ELF2: variants seen among roughly 807,000 people sequenced by gnomAD.
ELF2 encodes the protein E74 like ETS transcription factor 2, also known as ETS-related transcription factor Elf-2.
ELF2 carries 11 observed loss-of-function variants against 54.8 expected under a neutral mutation model. That is an observed-to-expected ratio of 0.20 (90% CI 0.13 to 0.33). The LOEUF (loss-of-function observed/expected upper bound fraction) is 0.33. Among genes scored for constraint, ELF2 ranks in the 10% least tolerant of loss-of-function variants. The pLI is 1.00. For missense variants in ELF2, 513 were observed against 703.0 expected (o/e 0.73, Z 3.06); for synonymous variants, 203 against 245.1 (o/e 0.83, Z 1.61).
chr4:139,125,368 T>C, intron 3 of ELF2, 39 bp from the exon 4 acceptor site: 1 of 1,592,530 alleles, frequency 6.3e-7, no homozygotes, highest in Non-Finnish European at 8.5e-7. Flanking sequence ...ACCTTTGTAT[T>C]TACAAATTCT....
intron 4 of ELF2, among the ~76,000 whole-genome samples, chr4:139,120,121 C>T (rs1458828668): frequency 6.6e-6 from 1 of 152,218 alleles, no homozygotes; most frequent in African/African-American, 2.4e-5. Context: ...TAAAGTTCTG[C>T]TTCAACTCAA....
intron 4 of ELF2, among the ~76,000 whole-genome samples, chr4:139,090,036 C>T (rs1732412159): frequency 6.6e-6 from 1 of 152,092 alleles, no homozygotes; most frequent in South Asian, 2.1e-4. Context: ...CTCAAGAGAC[C>T]CTCCACCTCA....
intron 4 of ELF2, among the ~76,000 whole-genome samples, chr4:139,112,935 T>A (rs1735118644): frequency 6.6e-6 from 1 of 152,044 alleles, no homozygotes; most frequent in East Asian, 1.9e-4. Context: ...TCTCTCTGAA[T>A]ACAAAGGAAT....
In ELF2 at chr4:139,073,538, G is replaced by C; in HGVS notation, c.268C>G (p.His90Asp). ...GCTTCAATTGTCTTATCTGTACAGT[G>C]TGCATTACTGCTGTGAACTGATGCT... ...VEASVHSSNA[H>D]CTDKTIEAAE... The change falls in exon 5 of 10, where the codon CAC (histidine) becomes GAC (aspartate). Residue 90 changes from histidine (H) to aspartate (D), a missense_variant. Physicochemically the swap from His to Asp is moderately conservative, Grantham distance 81. Around this residue, in one of 3 missense-constraint regions of ELF2, gnomAD observed 203 missense variants for 245.9 expected, o/e 0.83. Coordinates refer to ENST00000686138, the MANE Select transcript of ELF2 (RefSeq NM_001331036.3). The C allele has an allele frequency of 6.3e-7, 1 of 1,595,622 alleles. No homozygotes were observed. Among genetic ancestry groups the C allele is most frequent in the Non-Finnish European group, 8.6e-7 (1 of 1,168,322 alleles).
At chr4:139,176,434 G>A (rs1477167097) in intron 1 of ELF2, among the ~76,000 whole-genome samples, 1 of 151,430 alleles carries the variant, frequency 6.6e-6, no homozygotes, top group Non-Finnish European at 1.5e-5. Context: ...AGCGGCCGGA[G>A]CCTCCCAGGT....
intron 1 of ELF2, among the ~76,000 whole-genome samples, chr4:139,172,882 C>CGGGGG (rs59019279): frequency 2.0e-5 from 1 of 51,162 alleles, no homozygotes; most frequent in Non-Finnish European, 4.1e-5. Context: ...ACACAGATAA[C>CGGGGG]GGGGGGGGGG....
At chr4:139,171,157 G>A (rs950018818) in intron 1 of ELF2, among the ~76,000 whole-genome samples, 6 of 152,162 alleles carry the variant, frequency 3.9e-5, no homozygotes, top group Non-Finnish European at 5.9e-5. Flanking sequence ...GCAGGCCAAC[G>A]CAGGAGGATT....
At chr4:139,133,465 G>A (rs1737763308) in intron 3 of ELF2, among the ~76,000 whole-genome samples, 3 of 152,284 alleles carry the variant, frequency 2.0e-5, no homozygotes, top group African/African-American at 7.2e-5. Context: ...CAGCTTTATA[G>A]AAAGTCTTTA....
chr4:139,149,730 C>T (rs1480404539), intron 1 of ELF2, among the ~76,000 whole-genome samples: 2 of 152,084 alleles, frequency 1.3e-5, no homozygotes, highest in Non-Finnish European at 2.9e-5. Context: ...TAAAGAAAAT[C>T]ATAAAATTCC....
At chr4:139,132,847 T>C (rs1266821379) in intron 3 of ELF2, among the ~76,000 whole-genome samples, 1 of 47,062 alleles carries the variant, frequency 2.1e-5, no homozygotes, top group Non-Finnish European at 4.8e-5. Flanking sequence ...TTTACATATA[T>C]ATATATATAT....
chr4:139,132,049 A>G (rs1737543090), intron 3 of ELF2, among the ~76,000 whole-genome samples: 1 of 152,156 alleles, frequency 6.6e-6, no homozygotes, highest in Non-Finnish European at 1.5e-5. Context: ...TACACCTCAA[A>G]TTATTAACCT....
chr4:139,139,313 A>G (rs1738484498), intron 2 of ELF2, 100 bp downstream of exon 2: 3 of 596,084 alleles, frequency 5.0e-6, no homozygotes, highest in Non-Finnish European at 7.1e-6. Context: ...TTGTATCTTA[A>G]GAAGAAAAAA....
At chr4:139,176,050 G>A (rs980972869) in intron 1 of ELF2, among the ~76,000 whole-genome samples, 4 of 152,292 alleles carry the variant, frequency 2.6e-5, no homozygotes, top group Admixed American at 6.5e-5. Context: ...AAAGCTCCTG[G>A]GGTAGAGTCA....
chr4:139,084,435 C>T, intron 4 of ELF2: 1 of 1,176,492 alleles, frequency 8.5e-7, no homozygotes, highest in Middle Eastern at 3.4e-4. Flanking sequence ...GCGGCAGGGG[C>T]AGGGGCGGCG....
At chr4:139,169,656 G>A (rs986205428) in intron 1 of ELF2, among the ~76,000 whole-genome samples, 6 of 152,212 alleles carry the variant, frequency 3.9e-5, no homozygotes, top group Admixed American at 6.5e-5. Context: ...AGGAGATCGA[G>A]ACCATCCTGG....
chr4:139,126,843 G>A (rs939588131), intron 3 of ELF2, among the ~76,000 whole-genome samples: 1 of 152,114 alleles, frequency 6.6e-6, no homozygotes, highest in Non-Finnish European at 1.5e-5. Flanking sequence ...AAGAGAGAGT[G>A]AATTTTTTAA....
chr4:139,060,182 A>G (rs1328671384), intron 9 of ELF2, 142 bp downstream of exon 9: 1 of 755,596 alleles, frequency 1.3e-6, no homozygotes, highest in Non-Finnish European at 2.1e-6. Flanking sequence ...AAAAAATATA[A>G]TTAAAACATC....
chr4:139,136,573 ACT>A (rs965539666), intron 3 of ELF2, among the ~76,000 whole-genome samples: 1 of 151,144 alleles, frequency 6.6e-6, no homozygotes, highest in African/African-American at 2.4e-5. Flanking sequence ...AATATAGAAA[ACT>A]CTCCATTTTC....
intron 1 of ELF2, among the ~76,000 whole-genome samples, chr4:139,175,785 G>T (rs1300535879): frequency 6.6e-6 from 1 of 152,130 alleles, no homozygotes; most frequent in Non-Finnish European, 1.5e-5. Context: ...CACAAGAAAG[G>T]GGGGAATTTT....
Sources: allele counts gnomAD v4.1 joint callset (sites outside exome capture counted in the v4.1 genomes callset), GRCh38; gene constraint gnomAD v4.1.1; regional missense constraint gnomAD v4.1.1; transcripts MANE v1.5; gene names NCBI Gene and HGNC (gene_info 2026-07-23, HGNC 2026-07-21).